Variants in MBTPS1 observed in about 807,000 individuals in gnomAD.
MBTPS1 encodes membrane-bound transcription factor site-1 protease.
A neutral mutation model predicts 127.8 loss-of-function variants in MBTPS1; 94 were observed. The observed-to-expected ratio is 0.74, with a 90% CI of 0.62 to 0.87. The LOEUF is 0.87. Among genes scored for constraint, MBTPS1 ranks in the 40% least tolerant of loss-of-function variants. The probability of loss-of-function intolerance (pLI) is 0.00; values close to 1 mark genes in which losing one functional copy is unlikely to be tolerated. For missense variants in MBTPS1, 1,636 were observed against 1,353.2 expected (o/e 1.21, Z -3.28); for synonymous variants, 632 against 509.4 (o/e 1.24, Z -3.24).
Position 84,112,178 on chromosome 16 carries a change from G to A in MBTPS1, c.-325+4557C>T, listed in dbSNP as rs377500157. ...GATAAAGCCACTGCATTCCAGCCTG[G>A]GCAATGGAGAGACTGTCTCAAATGG... On this transcript the variant is annotated intron_variant, in intron 1 of 22. Coordinates refer to ENST00000343411, the MANE Select transcript of MBTPS1 (RefSeq NM_003791.4). 3.9e-5 allele frequency among the ~76,000 whole-genome samples: 6 copies of A among 152,136 alleles called. No individual in the cohort carries two copies. The East Asian group carries it at 1.2e-3, about 29-fold the overall frequency.
intron 19 of MBTPS1, among the ~76,000 whole-genome samples, chr16:84,062,586 G>T (rs1307063140): frequency 1.3e-5 from 2 of 152,174 alleles, no homozygotes; most frequent in African/African-American, 4.8e-5. Flanking sequence ...GAGTTCCCCA[G>T]TGGTCACAGC....
At chr16:84,101,547 A>G in intron 2 of MBTPS1, 74 bp downstream of exon 2, 1 of 1,296,542 alleles carries the variant, frequency 7.7e-7, no homozygotes, top group Non-Finnish European at 1.1e-6. Flanking sequence ...TTATTCAGCA[A>G]TAGCTAATTT....
chr16:84,065,274 T>C (rs888178307), intron 18 of MBTPS1, among the ~76,000 whole-genome samples: 1 of 152,130 alleles, frequency 6.6e-6, no homozygotes, highest in Non-Finnish European at 1.5e-5. Flanking sequence ...CGTGCCATCA[T>C]GCCCGGCTAA....
At chr16:84,106,291 A>C (rs2086322723) in intron 1 of MBTPS1, among the ~76,000 whole-genome samples, 1 of 152,148 alleles carries the variant, frequency 6.6e-6, no homozygotes, top group South Asian at 2.1e-4. Flanking sequence ...GCAAAACTCC[A>C]TCTCAAAATA....
intron 4 of MBTPS1, among the ~76,000 whole-genome samples, chr16:84,095,152 C>G (rs1477517552): frequency 1.3e-5 from 2 of 152,196 alleles, no homozygotes; most frequent in African/African-American, 4.8e-5. Context: ...GCATTCAGGA[C>G]ACCAAACTCA....
intron 12 of MBTPS1, among the ~76,000 whole-genome samples, chr16:84,072,588 G>C (rs1028898289): frequency 2.0e-5 from 3 of 152,144 alleles, no homozygotes; most frequent in African/African-American, 4.8e-5. Flanking sequence ...TGAGGAGATC[G>C]AGACCATCCT....
chr16:84,074,824 A>C, intron 11 of MBTPS1, 83 bp from the exon 12 acceptor site: 1 of 1,296,626 alleles, frequency 7.7e-7, no homozygotes, highest in Non-Finnish European at 1.1e-6. Context: ...CAGAGTTAAC[A>C]AAGCAGACCT....
At chr16:84,061,895 T>C (rs1431237682) in intron 19 of MBTPS1, among the ~76,000 whole-genome samples, 6 of 152,116 alleles carry the variant, frequency 3.9e-5, no homozygotes, top group African/African-American at 1.2e-4. Context: ...AAAAATGCCA[T>C]TAAGTACTTT....
intron 1 of MBTPS1, chr16:84,111,000 T>G (rs1048666481): frequency 3.9e-5 from 6 of 152,246 alleles, no homozygotes; most frequent in Non-Finnish European, 8.8e-5. Context: ...CGCAGCAATT[T>G]CAAATGCTCC....
At chr16:84,093,001 T>C (rs1399527430) in intron 6 of MBTPS1, among the ~76,000 whole-genome samples, 187 bp downstream of exon 6, 2 of 152,100 alleles carry the variant, frequency 1.3e-5, no homozygotes, top group African/African-American at 4.8e-5. Flanking sequence ...GACACAGTGG[T>C]TGGTGGGAGA....
intron 3 of MBTPS1, among the ~76,000 whole-genome samples, chr16:84,097,088 A>G (rs952533321): frequency 3.3e-5 from 5 of 152,370 alleles, no homozygotes; most frequent in South Asian, 2.1e-4. Context: ...CACCATGGGT[A>G]TCTTCAAATA....
Position 84,093,196 on chromosome 16 carries a change from T to G in MBTPS1, c.838A>C (p.Asn280His), listed in dbSNP as rs764503671. Reference protein sequence around the residue: ...AELHIFRVFTNNQVSYTSWFL... With the variant: ...AELHIFRVFTHNQVSYTSWFL... The stretch of plus-strand genomic sequence containing the variant: ...GTCCTCAAAACACCTACCTGATTAT[T>G]GGTAAAGACCCTGAAAATGTGAAGT... Residue 280 changes from asparagine to histidine, a missense_variant, in exon 6 of 23, where the codon AAT becomes CAT. Transcript: ENST00000343411. 3 of 1,610,086 alleles carry G rather than the reference T, an allele frequency of 1.9e-6. No homozygotes were observed. The South Asian group carries it at 3.3e-5, about 18-fold the overall frequency.
rs550272424 is a variant in MBTPS1, at chr16:84,064,068, G to C, written c.2432-623C>G. Among the ~76,000 whole-genome samples, 112 of 152,204 alleles carry C rather than the reference G, an allele frequency of 7.4e-4. 1 individual carries two copies. The highest frequency in any genetic ancestry group is 2.7e-3 in the African/African-American group (112 of 41,518). ...TAATTTAAAATTTGTAATGAATCAA[G>C]AAGTCAAAAATGTATAAATGCCACA... On this transcript the variant is annotated intron_variant, in intron 18 of 22. Transcript: ENST00000343411.
rs771258750 is a variant in MBTPS1 at position 84,099,188 on chromosome 16, C to CA, written c.285dup (p.Asp96Ter). 1.6e-5 allele frequency: 26 copies of CA among 1,614,024 alleles called. No homozygotes were observed. The highest frequency in any genetic ancestry group is 2.2e-5 in the Non-Finnish European group (26 of 1,180,024). On this transcript the variant is annotated frameshift_variant, in exon 3 of 23. Coordinates refer to ENST00000343411, the MANE Select transcript of MBTPS1 (RefSeq NM_003791.4). LOFTEE classifies it high-confidence loss of function. Reference sequence around the variant, plus strand: ...ATCACCTCAAAATCACTAGGGTAGTCACTGGATGGATTGTTTCGAGGTATA... The same window carrying CA: ...ATCACCTCAAAATCACTAGGGTAGTCAACTGGATGGATTGTTTCGAGGTATA...
rs745828028 is a variant in MBTPS1 at position 84,087,464 on chromosome 16, T to C, written c.1032-4A>G. 1 of 1,485,266 alleles carries C rather than the reference T, an allele frequency of 6.7e-7. No homozygotes were observed. The highest frequency in any genetic ancestry group is 9.0e-7 in the Non-Finnish European group (1 of 1,107,728). The allele number at this position is 1,485,266 out of a possible 1,614,324, so 92.0% of individuals were successfully genotyped here. ...ATCAGCAGGGTTATTCAGAGTGCTATATTGAGACCAAAAAAAAAAAAAAAG... is the reference window on the plus strand; with the variant it reads ...ATCAGCAGGGTTATTCAGAGTGCTACATTGAGACCAAAAAAAAAAAAAAAG... On this transcript the variant is annotated splice_region_variant and splice_polypyrimidine_tract_variant and intron_variant, in intron 8 of 22. Transcript: ENST00000343411.
chr16:84,070,817 C>T lies in MBTPS1; in HGVS notation c.1594-41G>A, dbSNP rs201435241. The T allele has an allele frequency of 2.0e-4, 301 of 1,526,432 alleles. 1 individual carries two copies. The African/African-American group carries it at 3.9e-3, about 20-fold the overall frequency. The allele number at this position is 1,526,432 out of a possible 1,614,324, so 94.6% of individuals were successfully genotyped here. ...ATCAGACAAAGGCTAAAGTGAAAAG[C>T]TCCAGGAGAAAACACGTGGAAACCA... On this transcript the variant is annotated intron_variant, in intron 12 of 22. Transcript: ENST00000343411.
intron 14 of MBTPS1, among the ~76,000 whole-genome samples, chr16:84,069,621 G>A (rs1192028753): frequency 6.6e-6 from 1 of 152,192 alleles, no homozygotes; most frequent in Non-Finnish European, 1.5e-5. Flanking sequence ...TTTGCTGACT[G>A]GCGCAATGGG....
chr16:84,076,785 C>T (rs1567483674), intron 11 of MBTPS1, among the ~76,000 whole-genome samples: 1 of 152,172 alleles, frequency 6.6e-6, no homozygotes, highest in Non-Finnish European at 1.5e-5. Flanking sequence ...ATCCTTTGCT[C>T]TTAGACAAAA....
intron 11 of MBTPS1, among the ~76,000 whole-genome samples, chr16:84,079,718 T>C (rs1046782930): frequency 6.6e-6 from 1 of 151,938 alleles, no homozygotes. Flanking sequence ...AAATAAGAAA[T>C]AAATAAATAA....
Sources: allele counts gnomAD v4.1 joint callset (sites outside exome capture counted in the v4.1 genomes callset), GRCh38; gene constraint gnomAD v4.1.1; transcripts MANE v1.5; gene names NCBI Gene and HGNC (gene_info 2026-07-23, HGNC 2026-07-21).